The following NREP variants were observed in gnomAD, a reference collection of about 807,000 sequenced individuals.
NREP encodes the protein neuronal regeneration related protein, also known as neuronal regeneration-related protein.
Under a neutral mutation model 8.6 loss-of-function variants are expected in NREP, and 5 were observed. The observed-to-expected ratio is 0.58, with a 90% CI of 0.30 to 1.22. The LOEUF (loss-of-function observed/expected upper bound fraction) is 1.22, where lower values mean the gene tolerates loss of function less well. Ranked by LOEUF, NREP falls within the 50% of genes most tolerant of loss-of-function variation. The pLI is 0.07. For missense variants in NREP, 86 were observed against 82.5 expected (o/e 1.04, Z -0.17); for synonymous variants, 27 against 28.0 (o/e 0.96, Z 0.11).
chr5:111,741,320 G>A (rs532534380), intron 2 of NREP, among the ~76,000 whole-genome samples: 3 of 152,238 alleles, frequency 2.0e-5, no homozygotes, highest in Non-Finnish European at 2.9e-5. Flanking sequence ...TAACTAGCCA[G>A]GAGGTTGTGA....
intron 2 of NREP, among the ~76,000 whole-genome samples, chr5:111,939,367 C>A (rs1257496811): frequency 6.6e-6 from 1 of 152,020 alleles, no homozygotes; most frequent in Non-Finnish European, 1.5e-5. Context: ...GACATCATAA[C>A]CAAAGCATCA....
intron 2 of NREP, among the ~76,000 whole-genome samples, chr5:111,880,514 T>C (rs1418696048): frequency 6.6e-6 from 1 of 152,088 alleles, no homozygotes; most frequent in East Asian, 1.9e-4. Flanking sequence ...CTTCTGTCTG[T>C]GCATTTTTCT....
upstream of NREP, chr5:111,758,120 C>A: frequency 1.0e-6 from 1 of 985,488 alleles, no homozygotes; most frequent in Non-Finnish European, 1.2e-6. Context: ...TCGGACCCTG[C>A]CCCTCAGCTG....
chr5:111,821,191 G>C (rs534533087), intron 2 of NREP, among the ~76,000 whole-genome samples: 2 of 152,186 alleles, frequency 1.3e-5, no homozygotes, highest in Non-Finnish European at 2.9e-5. Flanking sequence ...ACCTCTAAGA[G>C]CTGTGCAGTG....
chr5:111,955,381 A>G (rs1197290950), intron 2 of NREP, among the ~76,000 whole-genome samples: 1 of 152,086 alleles, frequency 6.6e-6, no homozygotes, highest in Non-Finnish European at 1.5e-5. Flanking sequence ...AAAGAATCAC[A>G]TAAATGCAGG....
intron 2 of NREP, among the ~76,000 whole-genome samples, chr5:111,828,004 C>G (rs1482913517): frequency 6.6e-6 from 1 of 151,946 alleles, no homozygotes; most frequent in Non-Finnish European, 1.5e-5. Context: ...TTTTAGGTAA[C>G]TTGATACAAA....
intron 2 of NREP, among the ~76,000 whole-genome samples, chr5:111,794,694 G>C (rs570924418): frequency 2.6e-5 from 4 of 152,266 alleles, no homozygotes; most frequent in Middle Eastern, 3.4e-3. Flanking sequence ...GGGATGAATA[G>C]GTGAGTACAG....
intron 2 of NREP, among the ~76,000 whole-genome samples, chr5:111,885,963 T>C (rs965535868): frequency 6.6e-6 from 1 of 152,056 alleles, no homozygotes; most frequent in Non-Finnish European, 1.5e-5. Flanking sequence ...AAAGCCAAAA[T>C]TGACAAATGG....
chr5:111,752,700 C>A (rs1371264487), intron 2 of NREP, among the ~76,000 whole-genome samples: 2 of 152,252 alleles, frequency 1.3e-5, no homozygotes, highest in South Asian at 2.1e-4. Flanking sequence ...TTAAAGAGAA[C>A]TTATATTGTT....
At chr5:111,946,912 C>T (rs1400501488) in intron 2 of NREP, among the ~76,000 whole-genome samples, 2 of 151,856 alleles carry the variant, frequency 1.3e-5, no homozygotes, top group Admixed American at 1.3e-4. Context: ...CAAAACCAAC[C>T]AACCAAGAAA....
At chr5:111,765,328 G>A (rs891376667) in intron 2 of NREP, among the ~76,000 whole-genome samples, 2 of 152,124 alleles carry the variant, frequency 1.3e-5, no homozygotes, top group East Asian at 3.8e-4. Flanking sequence ...CCGCTGTATG[G>A]CCTGGTTCCT....
At chr5:111,868,115 C>G (rs1250319849) in intron 2 of NREP, among the ~76,000 whole-genome samples, 4 of 152,014 alleles carry the variant, frequency 2.6e-5, no homozygotes, top group Middle Eastern at 3.2e-3. Flanking sequence ...AACACTAACT[C>G]AAAGACAAAC....
At chr5:111,804,996 G>A (rs1290480799) in intron 2 of NREP, among the ~76,000 whole-genome samples, 3 of 91,802 alleles carry the variant, frequency 3.3e-5, no homozygotes, top group Non-Finnish European at 6.4e-5. Context: ...GCGAGACTCC[G>A]TCTCAACAAC....
intron 2 of NREP, among the ~76,000 whole-genome samples, chr5:111,811,796 T>C (rs1022914067): frequency 6.6e-6 from 1 of 152,208 alleles, no homozygotes; most frequent in Non-Finnish European, 1.5e-5. Context: ...TTTTTTTCTA[T>C]ACAGTGATAA....
intron 2 of NREP, among the ~76,000 whole-genome samples, chr5:111,824,118 C>G (rs911794458): frequency 6.6e-6 from 1 of 152,156 alleles, no homozygotes; most frequent in Non-Finnish European, 1.5e-5. Flanking sequence ...AGCCTGTAAT[C>G]CCAGCACTTC....
intron 2 of NREP, among the ~76,000 whole-genome samples, chr5:111,805,461 T>A (rs1486457880): frequency 6.6e-6 from 1 of 152,204 alleles, no homozygotes; most frequent in African/African-American, 2.4e-5. Context: ...TACAGCCACA[T>A]AATGGAGTAT....
chr5:111,757,692 G>T (rs1421928897), upstream of NREP: 1 of 984,104 alleles, frequency 1.0e-6, no homozygotes, highest in Non-Finnish European at 1.2e-6. Context: ...GGCGCCCCGG[G>T]GAGACAAAGC....
intron 3 of NREP, 75 bp from the exon 4 acceptor site, chr5:111,731,121 T>C (rs1202726139): frequency 6.4e-7 from 1 of 1,559,902 alleles, no homozygotes; most frequent in African/African-American, 1.4e-5. Context: ...GAAACCATTT[T>C]TTAAAATTTT....
At chr5:111,939,967 T>G (rs1307193638) in intron 2 of NREP, 7 of 152,234 alleles carry the variant, frequency 4.6e-5, no homozygotes, top group African/African-American at 1.4e-4. Context: ...TATAGGAATC[T>G]GACTCTTTAT....
Sources: allele counts gnomAD v4.1 joint callset (sites outside exome capture counted in the v4.1 genomes callset), GRCh38; gene constraint gnomAD v4.1.1; transcripts MANE v1.5; gene names NCBI Gene and HGNC (gene_info 2026-07-23, HGNC 2026-07-21).